The following DTWD1 variants were observed in gnomAD, a reference collection of about 807,000 sequenced individuals.
DTWD1 encodes the protein tRNA-uridine aminocarboxypropyltransferase 1.
A neutral mutation model predicts 30.2 loss-of-function variants in DTWD1; 27 were observed. The observed-to-expected ratio is 0.90, with a 90% CI of 0.66 to 1.23. DTWD1 has a LOEUF of 1.23. Ranked by LOEUF, DTWD1 falls within the 50% of genes most tolerant of loss-of-function variation. The pLI is 0.00. For missense variants in DTWD1, 342 were observed against 348.8 expected, an observed-to-expected ratio of 0.98 and a Z score of 0.15; for synonymous variants, 99 against 113.1, an observed-to-expected ratio of 0.88 and a Z score of 0.79.
At chr15:49,621,853 G>C (rs2153349928) in intron 1 of DTWD1, among the ~76,000 whole-genome samples, 1 of 152,270 alleles carries the variant, frequency 6.6e-6, no homozygotes, top group Non-Finnish European at 1.5e-5. Context: ...TGGACCTGTA[G>C]GTCCTATGTG....
At chr15:49,641,919 A>G (rs901419542) in intron 4 of DTWD1, among the ~76,000 whole-genome samples, 5 of 151,952 alleles carry the variant, frequency 3.3e-5, no homozygotes, top group Admixed American at 3.3e-4. Context: ...TGATTTGTTT[A>G]TATTTATCCT....
At position 49,646,937 on chromosome 15, in the gene DTWD1, T is replaced by A. The variant is rs1327209392; in HGVS notation, c.*3359T>A. 6.6e-6 allele frequency: 1 copy of A among 152,132 alleles called. No individual in the cohort carries two copies. The highest frequency in any genetic ancestry group is 1.5e-5 in the Non-Finnish European group (1 of 68,018). 9.4% of individuals were successfully genotyped at this position (152,132 alleles called of 1,614,324 possible). A position where few individuals can be genotyped will look rare whatever the true frequency, so the allele number is the denominator to read the frequency against. ...GTCAGGTGTTTTAGTCTGGATTTAGTTAGAAAAGCAGCATCGTTACAAGTA... is the reference window on the plus strand; with the variant it reads ...GTCAGGTGTTTTAGTCTGGATTTAGATAGAAAAGCAGCATCGTTACAAGTA... On this transcript the variant is annotated 3_prime_UTR_variant, in exon 5 of 5. Transcript: ENST00000403028.
In DTWD1 at chr15:49,655,423, CTATT is replaced by C. The variant is rs1237660883; in HGVS notation, c.*11847_*11850del. 6.6e-6 allele frequency: 1 copy of C among 151,844 alleles called. No homozygotes were observed. Among genetic ancestry groups the C allele is most frequent in the Non-Finnish European group, 1.5e-5 (1 of 67,944 alleles). The allele number at this position is 151,844 out of a possible 1,614,324, so 9.4% of individuals were successfully genotyped here. A position where few individuals can be genotyped will look rare whatever the true frequency, so the allele number is the denominator to read the frequency against. On this transcript the variant is annotated 3_prime_UTR_variant, in exon 5 of 5. Transcript: ENST00000403028. Reference sequence around the variant, plus strand: ...TGTAGAAAATCGGGCCTACGTACCTCTATTTTTTTTTCATACTCCCGTGTTTTTT... The same window carrying C: ...TGTAGAAAATCGGGCCTACGTACCTCTTTTTTTCATACTCCCGTGTTTTTT...
chr15:49,627,757 C>T (rs1042093382), intron 2 of DTWD1, among the ~76,000 whole-genome samples: 1 of 152,002 alleles, frequency 6.6e-6, no homozygotes, highest in African/African-American at 2.4e-5. Flanking sequence ...CCTTTATGGG[C>T]ACTTAGCATG....
intron 3 of DTWD1, chr15:49,633,608 T>TA (rs2078961384): frequency 6.9e-6 from 2 of 290,070 alleles, no homozygotes; most frequent in Non-Finnish European, 1.4e-5. Flanking sequence ...GTGCCGGGAT[T>TA]ACAGGTATGA....
rs1161323075 is a variant in DTWD1 at position 49,646,625 on chromosome 15, G to A, written c.*3047G>A. On this transcript the variant is annotated 3_prime_UTR_variant, in exon 5 of 5. Transcript: ENST00000403028. ...GATCAATGGACTAGAAAAAGCTGCT[G>A]GGTAAATTGCTCTTCTTCTGATGGA... 6.6e-6 allele frequency: 1 copy of A among 152,234 alleles called. No homozygotes were observed. Among genetic ancestry groups the A allele is most frequent in the East Asian group, 1.9e-4 (1 of 5,178 alleles). The allele number at this position is 152,234 out of a possible 1,614,324, so 9.4% of individuals were successfully genotyped here. A position where few individuals can be genotyped will look rare whatever the true frequency, so the allele number is the denominator to read the frequency against.
intron 2 of DTWD1, among the ~76,000 whole-genome samples, chr15:49,628,067 ATTAT>A (rs2078868251): frequency 1.3e-5 from 2 of 151,996 alleles, no homozygotes; most frequent in African/African-American, 2.4e-5. Context: ...TCCTATTTTT[ATTAT>A]TTATTTATTT....
intron 2 of DTWD1, among the ~76,000 whole-genome samples, chr15:49,625,752 T>A (rs180865222): frequency 6.6e-6 from 1 of 152,288 alleles, no homozygotes; most frequent in African/African-American, 2.4e-5. Flanking sequence ...CTGATTCCAG[T>A]TGGCTAAGAC....
chr15:49,621,606 A>G (rs1001008678), intron 1 of DTWD1, among the ~76,000 whole-genome samples: 1 of 152,312 alleles, frequency 6.6e-6, no homozygotes, highest in African/African-American at 2.4e-5. Flanking sequence ...TCTTACGTCT[A>G]AATTATTTAT....
At chr15:49,624,995 G>A in intron 1 of DTWD1, 118 bp from the exon 2 acceptor site, 1 of 627,490 alleles carries the variant, frequency 1.6e-6, no homozygotes, top group Non-Finnish European at 2.7e-6. Flanking sequence ...TTTAAAACAT[G>A]TTTAATAAGT....
chr15:49,627,758 A>T (rs2078862942), intron 2 of DTWD1, among the ~76,000 whole-genome samples: 1 of 152,184 alleles, frequency 6.6e-6, no homozygotes, highest in African/African-American at 2.4e-5. Flanking sequence ...CTTTATGGGC[A>T]CTTAGCATGA....
At chr15:49,642,592 C>G (rs930135785) in intron 4 of DTWD1, among the ~76,000 whole-genome samples, 2 of 152,128 alleles carry the variant, frequency 1.3e-5, no homozygotes, top group Admixed American at 1.3e-4. Flanking sequence ...CTGCCTATCT[C>G]TCAGTGAATT....
intron 4 of DTWD1, among the ~76,000 whole-genome samples, chr15:49,637,552 G>C (rs183364164): frequency 6.6e-6 from 1 of 152,278 alleles, no homozygotes; most frequent in Non-Finnish European, 1.5e-5. Context: ...CACACAGATA[G>C]TTCCAATTCA....
chr15:49,655,242 C>T lies in DTWD1; in HGVS notation c.*11664C>T, dbSNP rs2079171595. The T allele has an allele frequency of 6.6e-6, 1 of 152,076 alleles. No homozygotes were observed. The highest frequency in any genetic ancestry group is 2.4e-5 in the African/African-American group (1 of 41,424). 9.4% of individuals were successfully genotyped at this position (152,076 alleles called of 1,614,324 possible). On this transcript the variant is annotated 3_prime_UTR_variant, in exon 5 of 5. Coordinates refer to ENST00000403028, the MANE Select transcript of DTWD1 (RefSeq NM_001144955.2). ...GGTAACACCATCTGGAGCTGAAGAACCACCAGCCAGTACACAGAAATGAGA... is the reference window on the plus strand; with the variant it reads ...GGTAACACCATCTGGAGCTGAAGAATCACCAGCCAGTACACAGAAATGAGA...
intron 2 of DTWD1, chr15:49,629,691 AC>A (rs1235703595): frequency 6.6e-6 from 1 of 152,192 alleles, no homozygotes; most frequent in East Asian, 1.9e-4. Context: ...CCAGAAGTAG[AC>A]TGATGTAAAA....
intron 2 of DTWD1, chr15:49,626,908 C>CA (rs1197110359): frequency 3.4e-6 from 1 of 296,354 alleles, no homozygotes; most frequent in Admixed American, 3.5e-5. Flanking sequence ...TAATTATTTT[C>CA]AAGTTTCCCA....
At chr15:49,635,494 G>GTTGT (rs1187068302) in intron 4 of DTWD1, among the ~76,000 whole-genome samples, 3 of 151,594 alleles carry the variant, frequency 2.0e-5, no homozygotes, top group Non-Finnish European at 2.9e-5. Context: ...TGTTCTTGTT[G>GTTGT]TTGTTTGTTT....
chr15:49,646,554 C>G lies in DTWD1; in HGVS notation c.*2976C>G, dbSNP rs17481696. ...CACAATGACTGTTAAAAGGGCTAGG[C>G]GATGTAGTCTGGTAGGTTTGTGAAG... On this transcript the variant is annotated 3_prime_UTR_variant, in exon 5 of 5. Coordinates refer to ENST00000403028, the MANE Select transcript of DTWD1 (RefSeq NM_001144955.2). 27,765 of 152,048 alleles carry G rather than the reference C, an allele frequency of 0.18. 3,137 individuals are homozygous for G. Among genetic ancestry groups the G allele is most frequent in the Non-Finnish European group, 0.25 (16,918 of 67,988 alleles). The allele number at this position is 152,048 out of a possible 1,614,324, so 9.4% of individuals were successfully genotyped here.
At position 49,644,968 on chromosome 15, in the gene DTWD1, A is replaced by G. The variant is rs1188348257; in HGVS notation, c.*1390A>G. 1 of 151,928 alleles carries G rather than the reference A, an allele frequency of 6.6e-6. No individual in the cohort carries two copies. The highest frequency in any genetic ancestry group is 1.9e-4 in the East Asian group (1 of 5,182). 9.4% of individuals were successfully genotyped at this position (151,928 alleles called of 1,614,324 possible). On this transcript the variant is annotated 3_prime_UTR_variant, in exon 5 of 5. Coordinates refer to ENST00000403028, the MANE Select transcript of DTWD1 (RefSeq NM_001144955.2). ...TAAATTCACCTGTTTGGGTGAAATA[A>G]TAGCACATTTCCTGAAGTATATACA...
Sources: allele counts gnomAD v4.1 joint callset (sites outside exome capture counted in the v4.1 genomes callset), GRCh38; gene constraint gnomAD v4.1.1; transcripts MANE v1.5; gene names NCBI Gene and HGNC (gene_info 2026-07-23, HGNC 2026-07-21).